The following SIGIRR variants were observed in gnomAD, a reference collection of about 807,000 sequenced individuals.
SIGIRR encodes single Ig IL-1-related receptor.
Under a neutral mutation model 45.6 loss-of-function variants are expected in SIGIRR, and 41 were observed. The ratio of observed to expected loss-of-function variants is 0.90; its 90% CI spans 0.70 to 1.17. The LOEUF is 1.17. Among genes scored for constraint, SIGIRR ranks in the 50% most tolerant of loss-of-function variants. The pLI is 0.00. For synonymous variants in SIGIRR, 298 were observed against 239.0 expected (o/e 1.25, Z -2.28); for missense variants, 599 against 539.6 (o/e 1.11, Z -1.09).
chr11:413,330 G>A (rs7931467), intron 1 of SIGIRR, among the ~76,000 whole-genome samples: 57,767 of 151,538 alleles, frequency 0.38, 13,324 homozygotes, highest in East Asian at 0.65. Context: ...TGGCCAGGGG[G>A]TCCTTGAAGA....
At chr11:415,168 G>A (rs1247468602), upstream of SIGIRR, among the ~76,000 whole-genome samples, 2 of 145,944 alleles carry the variant, frequency 1.4e-5, no homozygotes, top group Non-Finnish European at 3.0e-5. The surrounding 1 kb of genome is among the most constrained non-coding windows in gnomAD (Gnocchi z 6.6). Context: ...TCTGGAGCCC[G>A]CCCCAACCCA....
In SIGIRR at chr11:407,454, A is replaced by G. The variant is rs1023707799; in HGVS notation, c.596T>C (p.Leu199Pro). 4 of 1,559,910 alleles carry G rather than the reference A, an allele frequency of 2.6e-6. No individual in the cohort carries two copies. The highest frequency in any genetic ancestry group is 2.3e-5 in the South Asian group (2 of 85,272). The change falls in exon 6 of 10, where the codon CTG becomes CCG. Residue 199 changes from leucine (L) to proline (P), a missense_variant. By Grantham distance (98) the Leu-to-Pro change is moderately conservative. Coordinates refer to ENST00000431843, the MANE Select transcript of SIGIRR (RefSeq NM_001135054.2). The part of the protein sequence containing the change: ...LERRRGYKLF[L>P]DDRDLLPRAE... ...GCGCGGCAGGAGGTCGCGGTCGTCCAGGAAGAGCTTGTAGCCCCGACGCCG... is the reference window on the plus strand; with the variant it reads ...GCGCGGCAGGAGGTCGCGGTCGTCCGGGAAGAGCTTGTAGCCCCGACGCCG...
intron 5 of SIGIRR, 105 bp from the exon 6 acceptor site, chr11:407,673 C>A: frequency 6.4e-7 from 1 of 1,558,178 alleles, no homozygotes; most frequent in South Asian, 1.2e-5. Flanking sequence ...GGCAGACCCG[C>A]CCCGGACTTT....
At position 407,495 on chromosome 11, in the gene SIGIRR, T is replaced by C. The variant is rs753307714; in HGVS notation, c.555A>G (p.Leu185=). The change falls in exon 6 of 10, where the codon CTA becomes CTG. Residue 185 remains leucine, a synonymous_variant. Coordinates refer to ENST00000431843, the MANE Select transcript of SIGIRR (RefSeq NM_001135054.2). The part of the protein sequence containing the change: ...PEDRKFVNFI[L]KPQLERRRGY... ...CCCGACGCCGCTCCAGCTGCGGCTT[T>C]AGGATGAAGTTCACGAACTTGCGGT... The C allele has an allele frequency of 1.2e-6, 2 of 1,601,586 alleles. No individual in the cohort carries two copies. Among genetic ancestry groups the C allele is most frequent in the East Asian group, 2.3e-5 (1 of 44,114 alleles).
chr11:409,104 G>A (rs1478746299), intron 2 of SIGIRR: 3 of 598,416 alleles, frequency 5.0e-6, no homozygotes, highest in Non-Finnish European at 9.0e-6. Context: ...ACCCTGTGCT[G>A]AGGGGACAGA....
chr11:413,976 A>G (rs1392610982), intron 1 of SIGIRR, among the ~76,000 whole-genome samples: 11 of 99,240 alleles, frequency 1.1e-4, no homozygotes, highest in Non-Finnish European at 1.8e-4. Context: ...TCGTCTGCCT[A>G]CCTTCCCCTG....
At chr11:409,714 GC>G in intron 2 of SIGIRR, 153 bp downstream of exon 2, 1 of 832,576 alleles carries the variant, frequency 1.2e-6, no homozygotes, top group South Asian at 3.2e-5. Flanking sequence ...AGGGCCAAGG[GC>G]CCAGTGGGAG....
Position 408,063 on chromosome 11 carries a change from C to G in SIGIRR, c.340+10G>C, listed in dbSNP as rs201819873. 6.2e-7 allele frequency: 1 copy of G among 1,612,532 alleles called. No homozygotes were observed. Among genetic ancestry groups the G allele is most frequent in the Non-Finnish European group, 8.5e-7 (1 of 1,179,824 alleles). On this transcript the variant is annotated intron_variant, in intron 4 of 9. Coordinates refer to ENST00000431843, the MANE Select transcript of SIGIRR (RefSeq NM_001135054.2). ...CCCTTCTACCCTCCACCTTGGGGAA[C>G]CCCCATCACCAGCTCTCTGAAGAGT...
intron 1 of SIGIRR, among the ~76,000 whole-genome samples, chr11:410,782 G>A (rs1847570944): frequency 1.8e-5 from 1 of 56,808 alleles, no homozygotes; most frequent in Non-Finnish European, 3.5e-5. Flanking sequence ...GATACAGTCG[G>A]GGGGGGGTGC....
Position 405,814 on chromosome 11 carries a change from G to T in SIGIRR, c.*82C>A. ...GCAGGGTCCCAGGGCTGCTGGCAGG[G>T]GTTGTGGTCCTGTTGAGCAGAGGAG... On this transcript the variant is annotated 3_prime_UTR_variant, in exon 10 of 10. Transcript: ENST00000431843. 1 of 1,490,462 alleles carries T rather than the reference G, an allele frequency of 6.7e-7. No individual in the cohort carries two copies. Among genetic ancestry groups the T allele is most frequent in the South Asian group, 1.3e-5 (1 of 76,346 alleles). 92.3% of individuals were successfully genotyped at this position (1,490,462 alleles called of 1,614,324 possible). A position where few individuals can be genotyped will look rare whatever the true frequency, so the allele number is the denominator to read the frequency against.
intron 1 of SIGIRR, 133 bp from the exon 2 acceptor site, chr11:410,160 G>T: frequency 1.3e-6 from 1 of 778,568 alleles, no homozygotes; most frequent in Non-Finnish European, 1.7e-6. Context: ...AGTTCTCGGA[G>T]GCCAGCAGGG....
intron 1 of SIGIRR, 23 bp downstream of exon 1, chr11:414,800 A>G (rs1847835067): frequency 1.0e-6 from 1 of 985,432 alleles, no homozygotes; most frequent in Non-Finnish European, 1.2e-6. Context: ...AGGCTCACTC[A>G]GAGCAGCGGG....
intron 5 of SIGIRR, 45 bp downstream of exon 5, chr11:407,772 G>C: frequency 6.2e-7 from 1 of 1,609,862 alleles, no homozygotes; most frequent in Non-Finnish European, 8.5e-7. Flanking sequence ...CACTCTCAGG[G>C]AGGCCGTGGC....
chr11:409,422 T>G, intron 2 of SIGIRR: 1 of 257,928 alleles, frequency 3.9e-6, no homozygotes, highest in Non-Finnish European at 7.6e-6. Context: ...CATTCCTGCC[T>G]TGGGGGTCTT....
At chr11:408,258 C>G in intron 3 of SIGIRR, 52 bp from the exon 4 acceptor site, 1 of 1,592,628 alleles carries the variant, frequency 6.3e-7, no homozygotes, top group Non-Finnish European at 8.5e-7. Context: ...AGTGGACACC[C>G]CCGAACCCCA....
chr11:409,725 G>C (rs969112776), intron 2 of SIGIRR, 143 bp downstream of exon 2: 7 of 923,706 alleles, frequency 7.6e-6, no homozygotes, highest in Non-Finnish European at 1.0e-5. Flanking sequence ...CCCAGTGGGA[G>C]GGGTGAGCAG....
At chr11:408,536 C>T (rs1172852382) in intron 3 of SIGIRR, among the ~76,000 whole-genome samples, 159 bp downstream of exon 3, 2 of 152,184 alleles carry the variant, frequency 1.3e-5, no homozygotes. Flanking sequence ...ACCCAAGGGT[C>T]TGTCCCTGAC....
Position 407,109 on chromosome 11 carries a change from C to G in SIGIRR, c.681G>C (p.Val227=), listed in dbSNP as rs1166410301. 1.3e-6 allele frequency: 2 copies of G among 1,526,652 alleles called. No individual in the cohort carries two copies. The highest frequency in any genetic ancestry group is 3.9e-5 in the Admixed American group (2 of 51,238). The allele number at this position is 1,526,652 out of a possible 1,614,324, so 94.6% of individuals were successfully genotyped here. ...CCCGGCTCAGGAAGGCGTCCGAAAG[C>G]ACCACGATGAGGCGTCGGCAGCGGC... ...NLSRCRRLIV[V]LSDAFLSRAW... Residue 227 remains valine, a synonymous_variant, in exon 7 of 10, where the codon GTG becomes GTC. Coordinates refer to ENST00000431843, the MANE Select transcript of SIGIRR (RefSeq NM_001135054.2).
chr11:409,885 C>A lies in SIGIRR; in HGVS notation c.-11G>T. ...CTGCCTACCTGGCATGGCTCTGAGC[C>A]GGGGCCTCCTCGGGGCAGGCTGGGC... On this transcript the variant is annotated 5_prime_UTR_variant, in exon 2 of 10. Transcript: ENST00000431843. 7.6e-7 allele frequency: 1 copy of A among 1,322,840 alleles called. No individual in the cohort carries two copies. Among genetic ancestry groups the A allele is most frequent in the Non-Finnish European group, 9.7e-7 (1 of 1,029,312 alleles). The allele number at this position is 1,322,840 out of a possible 1,614,324, so 81.9% of individuals were successfully genotyped here.
Sources: gnomAD v4.1 joint callset for allele counts (sites outside exome capture counted in the v4.1 genomes callset) on GRCh38, gnomAD v4.1.1 for gene constraint, Gnocchi (gnomAD v3.1) non-coding constraint, MANE v1.5 for transcripts, NCBI Gene and HGNC (gene_info 2026-07-23, HGNC 2026-07-21) for gene names.